Variants in CAMK2G observed in about 807,000 individuals in gnomAD.
The protein encoded by CAMK2G is calcium/calmodulin-dependent protein kinase type II subunit gamma.
Under a neutral mutation model 88.7 loss-of-function variants are expected in CAMK2G, and 23 were observed. The observed-to-expected ratio is 0.26, with a 90% CI of 0.19 to 0.37. The LOEUF is 0.37. Among genes scored for constraint, CAMK2G ranks in the 10% least tolerant of loss-of-function variants. The pLI, the probability that CAMK2G is intolerant of heterozygous loss-of-function variation, is 1.00. For synonymous variants in CAMK2G, 263 were observed against 294.8 expected (o/e 0.89, Z 1.11); for missense variants, 476 against 780.8 (o/e 0.61, Z 4.65).
rs911568190 is a variant in CAMK2G at position 73,860,830 on chromosome 10, C to T, written c.220G>A (p.Val74Met). ...ICRLLKHPNI[V>M]RLHDSISEEG... is the part of the protein sequence containing the mutation. ...AAATGCTCCATGCCCAGGCACTCAC[C>T]GATGTTTGGATGTTTCAGAAGTCGA... Residue 74 changes from valine (V) to methionine (M), a missense_variant and splice_region_variant, in exon 3 of 23, where the codon GTG becomes ATG. Physicochemically the swap from Val to Met is conservative, Grantham distance 21. This residue lies in a region of CAMK2G where 164 missense variants were observed against 385.6 expected (regional missense o/e 0.43). Coordinates refer to ENST00000423381, the MANE Select transcript of CAMK2G (RefSeq NM_001367534.1). The T allele has an allele frequency of 6.2e-7, 1 of 1,610,980 alleles. No individual in the cohort carries two copies. Among genetic ancestry groups the T allele is most frequent in the Non-Finnish European group, 8.5e-7 (1 of 1,177,206 alleles).
At chr10:73,823,382 CT>C (rs1360043888) in intron 17 of CAMK2G, among the ~76,000 whole-genome samples, 1 of 152,042 alleles carries the variant, frequency 6.6e-6, no homozygotes, top group East Asian at 1.9e-4. Flanking sequence ...CACCTGCCTA[CT>C]TTTTTGTATT....
chr10:73,866,604 T>C (rs1286304149), intron 2 of CAMK2G, among the ~76,000 whole-genome samples: 1 of 152,146 alleles, frequency 6.6e-6, no homozygotes, highest in Non-Finnish European at 1.5e-5. Flanking sequence ...TCAAAGACAT[T>C]CTTAACTTTG....
chr10:73,822,896 C>G (rs2089498355), intron 17 of CAMK2G, among the ~76,000 whole-genome samples: 1 of 152,190 alleles, frequency 6.6e-6, no homozygotes, highest in Non-Finnish European at 1.5e-5. Context: ...GAGTCTTGCT[C>G]TGTCGCCCAG....
chr10:73,816,225 C>A (rs903672678), intron 21 of CAMK2G: 8 of 987,576 alleles, frequency 8.1e-6, no homozygotes, highest in Non-Finnish European at 9.6e-6. Context: ...AGAATGTACA[C>A]CCCACCCCCT....
chr10:73,834,884 C>A (rs1387719026), intron 14 of CAMK2G, among the ~76,000 whole-genome samples: 2 of 152,180 alleles, frequency 1.3e-5, no homozygotes, highest in Non-Finnish European at 2.9e-5. Flanking sequence ...CATCCTCTCC[C>A]CTCCACCTCA....
chr10:73,863,379 G>A (rs559418604), intron 2 of CAMK2G, among the ~76,000 whole-genome samples: 1 of 152,364 alleles, frequency 6.6e-6, no homozygotes, highest in African/African-American at 2.4e-5. Flanking sequence ...CAAGGAGGCT[G>A]TAACAGCCTT....
intron 2 of CAMK2G, among the ~76,000 whole-genome samples, chr10:73,871,049 A>T (rs1310204606): frequency 6.6e-6 from 1 of 152,118 alleles, no homozygotes; most frequent in East Asian, 1.9e-4. Context: ...TCTGTCCCAA[A>T]GTCAACCTGG....
At chr10:73,837,604 C>A in intron 13 of CAMK2G, 93 bp from the exon 14 acceptor site, 1 of 1,020,832 alleles carries the variant, frequency 9.8e-7, no homozygotes, top group South Asian at 1.3e-5. Context: ...AGTGCTGTGT[C>A]TGACAAGGGG....
At chr10:73,853,583 G>A (rs567996130) in intron 3 of CAMK2G, among the ~76,000 whole-genome samples, 3 of 152,362 alleles carry the variant, frequency 2.0e-5, no homozygotes, top group Admixed American at 2.0e-4. Flanking sequence ...GAGATGCAGC[G>A]TGAGCAGCAC....
intron 2 of CAMK2G, among the ~76,000 whole-genome samples, chr10:73,867,575 C>G (rs1393074063): frequency 6.6e-6 from 1 of 152,080 alleles, no homozygotes. Context: ...AAGAGGGGAG[C>G]AGATGGGAAG....
intron 3 of CAMK2G, among the ~76,000 whole-genome samples, chr10:73,854,422 T>A (rs935643049): frequency 6.6e-6 from 1 of 152,068 alleles, no homozygotes; most frequent in Non-Finnish European, 1.5e-5. Flanking sequence ...ATCATTCTAA[T>A]GCAGAAACGA....
rs187910829 is a variant in CAMK2G at position 73,833,744 on chromosome 10, G to A, written c.1053+3724C>T. ...CTCCCGAGTAGCTGGGACTACAGGC[G>A]TGCACCACCACTACTGGCTACTTTT... On this transcript the variant is annotated intron_variant, in intron 14 of 22. Coordinates refer to ENST00000423381, the MANE Select transcript of CAMK2G (RefSeq NM_001367534.1). Among the ~76,000 whole-genome samples, 156 of 151,282 alleles carry A rather than the reference G, an allele frequency of 1.0e-3. 1 individual carries two copies. The highest frequency in any genetic ancestry group is 3.7e-3 in the African/African-American group (151 of 41,156).
intron 20 of CAMK2G, 149 bp from the exon 21 acceptor site, chr10:73,817,266 C>T: frequency 1.7e-6 from 2 of 1,162,110 alleles, no homozygotes; most frequent in Non-Finnish European, 2.4e-6. Flanking sequence ...GCCTGCTGAG[C>T]CACTCAGCCC....
At chr10:73,865,650 A>G (rs1212153287) in intron 2 of CAMK2G, among the ~76,000 whole-genome samples, 1 of 152,202 alleles carries the variant, frequency 6.6e-6, no homozygotes, top group African/African-American at 2.4e-5. Flanking sequence ...AAGCAAGGGC[A>G]TCCCAGCTGG....
At chr10:73,818,815 A>T (rs1476062138) in intron 19 of CAMK2G, 1 of 456,162 alleles carries the variant, frequency 2.2e-6, no homozygotes, top group Non-Finnish European at 4.4e-6. Context: ...ACGGGCGAAG[A>T]GGGTTGTGCT....
chr10:73,847,158 G>A, intron 10 of CAMK2G, 67 bp downstream of exon 10: 2 of 1,529,248 alleles, frequency 1.3e-6, no homozygotes, highest in African/African-American at 1.4e-5. Flanking sequence ...AGAAGGAGGG[G>A]GTGGTGCCGA....
intron 21 of CAMK2G, chr10:73,816,078 C>T: frequency 1.0e-6 from 1 of 985,348 alleles, no homozygotes; most frequent in Non-Finnish European, 1.2e-6. Context: ...AACTATAACT[C>T]AGGGCAGGAT....
chr10:73,832,129 T>C (rs988880893), intron 14 of CAMK2G, among the ~76,000 whole-genome samples: 3 of 151,974 alleles, frequency 2.0e-5, no homozygotes, highest in Admixed American at 1.3e-4. Context: ...ATGAAAAATA[T>C]AGAATACAGA....
At chr10:73,862,074 A>G (rs1028580339) in intron 2 of CAMK2G, among the ~76,000 whole-genome samples, 2 of 152,196 alleles carry the variant, frequency 1.3e-5, no homozygotes, top group Admixed American at 6.5e-5. Flanking sequence ...CCAGAAATCC[A>G]CAAGTCCCCA....
Sources: gnomAD v4.1 joint callset for allele counts (sites outside exome capture counted in the v4.1 genomes callset) on GRCh38, gnomAD v4.1.1 for gene constraint, gnomAD v4.1.1 regional missense constraint, MANE v1.5 for transcripts, NCBI Gene and HGNC (gene_info 2026-07-23, HGNC 2026-07-21) for gene names.